Variants in C2CD2 observed in about 807,000 individuals in gnomAD.
C2CD2 encodes C2 calcium dependent domain containing 2, also known as C2 domain-containing protein 2.
In C2CD2, 43 loss-of-function variants were observed where a neutral mutation model predicts 74.3. The ratio of observed to expected loss-of-function variants is 0.58; its 90% confidence interval spans 0.45 to 0.75. The LOEUF (loss-of-function observed/expected upper bound fraction) is 0.75. Ranked by LOEUF, C2CD2 falls within the 30% of genes least tolerant of loss-of-function variation. C2CD2 has a pLI of 0.00. For synonymous variants in C2CD2, 422 were observed against 390.7 expected, an observed-to-expected ratio of 1.08 and a Z score of -0.94; for missense variants, 801 against 916.3, an observed-to-expected ratio of 0.87 and a Z score of 1.63.
Position 41,886,437 on chromosome 21 carries a change from C to T in C2CD2, c.*2687G>A, listed in dbSNP as rs921370770. The T allele has an allele frequency of 2.0e-5, 3 of 152,168 alleles. No homozygotes were observed. Among genetic ancestry groups the T allele is most frequent in the Non-Finnish European group, 4.4e-5 (3 of 68,028 alleles). 9.4% of individuals were successfully genotyped at this position (152,168 alleles called of 1,614,324 possible). On this transcript the variant is annotated 3_prime_UTR_variant, in exon 14 of 14. Transcript: ENST00000380486. Reference sequence around the variant, plus strand: ...CTTGGAAAACAAACATTCACAGTATCAATACAGCCCATTTCTCACGGTGCT... The same window carrying T: ...CTTGGAAAACAAACATTCACAGTATTAATACAGCCCATTTCTCACGGTGCT...
rs778604566 is a variant in C2CD2, at chr21:41,907,115, CA to C, written c.1194del (p.Val399PhefsTer6). On this transcript the variant is annotated frameshift_variant, in exon 10 of 14. Transcript: ENST00000380486. LOFTEE classifies it high-confidence loss of function. ...GELKSWPIPP[P>X]VPAAKIEKDR... ...TCCTTTTCTATTTTTGCAGCAGGAA[CA>C]GGGGGAGGGATGGGCCAGGATTTCA... 8 of 1,613,968 alleles carry C rather than the reference CA, an allele frequency of 5.0e-6. No homozygotes were observed. Among genetic ancestry groups the C allele is most frequent in the Non-Finnish European group, 6.8e-6 (8 of 1,179,942 alleles).
At chr21:41,897,116 C>T (rs1351902731) in intron 13 of C2CD2, among the ~76,000 whole-genome samples, 4 of 152,282 alleles carry the variant, frequency 2.6e-5, no homozygotes, top group Non-Finnish European at 4.4e-5. Flanking sequence ...CCACCTGGCC[C>T]GTGAAGGGAG....
rs570667615 is a variant in C2CD2 at position 41,935,594 on chromosome 21, C to T, written c.378+6553G>A. Reference sequence around the variant, plus strand: ...AAGTTCTGACACTGAGGGCCGGGCGCGGTAGATCATGTCTGTAATCCCAGC... The same window carrying T: ...AAGTTCTGACACTGAGGGCCGGGCGTGGTAGATCATGTCTGTAATCCCAGC... On this transcript the variant is annotated intron_variant, in intron 2 of 13. Coordinates refer to ENST00000380486, the MANE Select transcript of C2CD2 (RefSeq NM_015500.2). 4.6e-5 allele frequency among the ~76,000 whole-genome samples: 7 copies of T among 152,178 alleles called. No individual in the cohort carries two copies. In the East Asian group the frequency reaches 7.7e-4, roughly 17 times the overall value.
chr21:41,893,698 CTT>C (rs60305027), intron 13 of C2CD2, among the ~76,000 whole-genome samples: 7 of 122,108 alleles, frequency 5.7e-5, no homozygotes, highest in Non-Finnish European at 8.3e-5. Flanking sequence ...TGTTAAATTT[CTT>C]TTTTTTTTTT....
chr21:41,890,702 C>T lies in C2CD2; in HGVS notation c.1871-1358G>A, dbSNP rs1436479705. The stretch of plus-strand genomic sequence containing the variant: ...TTCAATAGCCACGACATATGCAAAT[C>T]GCCACCCATGTTGAGGAGGTTGAAG... On this transcript the variant is annotated intron_variant, in intron 13 of 13. Transcript: ENST00000380486. 2.6e-5 allele frequency among the ~76,000 whole-genome samples: 4 copies of T among 152,324 alleles called. No homozygotes were observed. In the East Asian group the frequency reaches 7.7e-4, roughly 29 times the overall value.
rs1412063134 is a variant in C2CD2, at chr21:41,945,198, T to A, written c.280-2953A>T. ...AAAGTGAAAAAACTAAAATGAACTC[T>A]GTACCGTTGGACTAGAACCCAAGGT... On this transcript the variant is annotated intron_variant, in intron 1 of 13. Transcript: ENST00000380486. This position sits in a 1 kb window ranked among gnomAD's most constrained non-coding sequence, Gnocchi z 4.2. Among the ~76,000 whole-genome samples, 3 of 152,356 alleles carry A rather than the reference T, an allele frequency of 2.0e-5. No individual in the cohort carries two copies. In the South Asian group the frequency reaches 6.2e-4, roughly 32 times the overall value.
In C2CD2 at chr21:41,889,364, G is replaced by C; in HGVS notation, c.1871-20C>G. 1.3e-6 allele frequency: 2 copies of C among 1,572,984 alleles called. No individual in the cohort carries two copies. The highest frequency in any genetic ancestry group is 1.7e-6 in the Non-Finnish European group (2 of 1,144,082). ...TTCCTCCTGGAAGAGGGAGGCACAAGGGCTGGTCAAGTGGGCAGGGAATGA... is the reference window on the plus strand; with the variant it reads ...TTCCTCCTGGAAGAGGGAGGCACAACGGCTGGTCAAGTGGGCAGGGAATGA... On this transcript the variant is annotated intron_variant, in intron 13 of 13. Coordinates refer to ENST00000380486, the MANE Select transcript of C2CD2 (RefSeq NM_015500.2).
chr21:41,922,835 G>A (rs1299259575), intron 2 of C2CD2, among the ~76,000 whole-genome samples: 1 of 152,134 alleles, frequency 6.6e-6, no homozygotes, highest in Non-Finnish European at 1.5e-5. Flanking sequence ...CAAATTTAGA[G>A]TTTCAAAGTT....
At chr21:41,905,602 G>T in intron 11 of C2CD2, 122 bp downstream of exon 11, 1 of 605,604 alleles carries the variant, frequency 1.7e-6, no homozygotes. Context: ...ACGGGTGTGA[G>T]CCACCACACC....
Position 41,926,398 on chromosome 21 carries a change from C to T in C2CD2, c.379-4313G>A, listed in dbSNP as rs998614104. 1 of 982,090 alleles carries T rather than the reference C, an allele frequency of 1.0e-6. No individual in the cohort carries two copies. The highest frequency in any genetic ancestry group is 6.2e-5 in the Admixed American group (1 of 16,238). The allele number at this position is 982,090 out of a possible 1,614,324, so 60.8% of individuals were successfully genotyped here. A position where few individuals can be genotyped will look rare whatever the true frequency, so the allele number is the denominator to read the frequency against. ...TCCACATGGAAAGGCCAAGGGGGGA[C>T]TCACGGTTGGCAGGTGAGGGTTTGG... On this transcript the variant is annotated intron_variant, in intron 2 of 13. Coordinates refer to ENST00000380486, the MANE Select transcript of C2CD2 (RefSeq NM_015500.2). The surrounding 1 kb of genome is among the most constrained non-coding windows in gnomAD (Gnocchi z 8.0).
chr21:41,914,239 G>A (rs1212022149), intron 6 of C2CD2, among the ~76,000 whole-genome samples: 1 of 145,660 alleles, frequency 6.9e-6, no homozygotes, highest in East Asian at 2.0e-4. Flanking sequence ...AAAAAAGAAA[G>A]CAGAAGCTGC....
Position 41,901,618 on chromosome 21 carries a change from G to A in C2CD2, c.1560+4C>T. On this transcript the variant is annotated splice_donor_region_variant and intron_variant, in intron 12 of 13. Coordinates refer to ENST00000380486, the MANE Select transcript of C2CD2 (RefSeq NM_015500.2). The stretch of plus-strand genomic sequence containing the variant: ...GAACACCTCCCCAGCCACCACGATG[G>A]TACCTTGGAGATCCCTGATATGATA... 2 of 1,614,116 alleles carry A rather than the reference G, an allele frequency of 1.2e-6. No individual in the cohort carries two copies. Among genetic ancestry groups the A allele is most frequent in the Non-Finnish European group, 1.7e-6 (2 of 1,179,980 alleles).
intron 5 of C2CD2, 106 bp downstream of exon 5, chr21:41,917,999 C>T: frequency 7.4e-7 from 1 of 1,357,540 alleles, no homozygotes; most frequent in Non-Finnish European, 1.0e-6. Context: ...CTTGGCTCTA[C>T]CATGGGAGGT....
chr21:41,940,273 G>A (rs2065343960), intron 2 of C2CD2, among the ~76,000 whole-genome samples: 1 of 152,186 alleles, frequency 6.6e-6, no homozygotes, highest in African/African-American at 2.4e-5. Flanking sequence ...AATTATAGTT[G>A]AAGCAAAATG....
intron 2 of C2CD2, among the ~76,000 whole-genome samples, chr21:41,927,574 G>A (rs1223976901): frequency 2.6e-5 from 4 of 151,938 alleles, no homozygotes; most frequent in East Asian, 3.9e-4. Context: ...GGATTCAAGC[G>A]ATTCTCCTGC....
chr21:41,919,021 C>A, intron 3 of C2CD2, 61 bp from the exon 4 acceptor site: 1 of 1,199,934 alleles, frequency 8.3e-7, no homozygotes. Flanking sequence ...TGTGCACGTG[C>A]GTGTGCATGT....
At position 41,899,068 on chromosome 21, in the gene C2CD2, C is replaced by A; in HGVS notation, c.1855G>T (p.Ala619Ser). 12 of 1,613,474 alleles carry A rather than the reference C, an allele frequency of 7.4e-6. No individual in the cohort carries two copies. The highest frequency in any genetic ancestry group is 1.0e-5 in the Non-Finnish European group (12 of 1,179,790). ...SSMSVLEPGTAKKHKGGILRK... is the reference protein window; with the variant it reads ...SSMSVLEPGTSKKHKGGILRK... ...GAGCAGGTACCTTTATGCTTTTTGGCAGTGCCCGGCTCCAAGACACTCATG... is the reference window on the plus strand; with the variant it reads ...GAGCAGGTACCTTTATGCTTTTTGGAAGTGCCCGGCTCCAAGACACTCATG... Residue 619 changes from alanine to serine, a missense_variant, in exon 13 of 14, where the codon GCC (alanine) becomes TCC (serine). Coordinates refer to ENST00000380486, the MANE Select transcript of C2CD2 (RefSeq NM_015500.2). This position sits in a 1 kb window ranked among gnomAD's most constrained non-coding sequence, Gnocchi z 4.4.
chr21:41,937,186 C>T (rs1276757803), intron 2 of C2CD2, among the ~76,000 whole-genome samples: 4 of 151,334 alleles, frequency 2.6e-5, no homozygotes, highest in Admixed American at 6.6e-5. Context: ...GGCTTGATCT[C>T]GGCTCACTGC....
rs981478091 is a variant in C2CD2 at position 41,899,585 on chromosome 21, G to A, written c.1561-223C>T. Among the ~76,000 whole-genome samples, 12 of 152,128 alleles carry A rather than the reference G, an allele frequency of 7.9e-5. No individual in the cohort carries two copies. Among genetic ancestry groups the A allele is most frequent in the African/African-American group, 2.9e-4 (12 of 41,428 alleles). On this transcript the variant is annotated intron_variant, in intron 12 of 13. Transcript: ENST00000380486. The surrounding 1 kb of genome is among the most constrained non-coding windows in gnomAD (Gnocchi z 4.4). ...CAGGGCTCAGGATCCCTAGGCAGCT[G>A]GGGGTTGGCCCCCGGGGCTCAGAGG...
Sources: allele counts gnomAD v4.1 joint callset (sites outside exome capture counted in the v4.1 genomes callset), GRCh38; gene constraint gnomAD v4.1.1; non-coding constraint Gnocchi (gnomAD v3.1); transcripts MANE v1.5; gene names NCBI Gene and HGNC (gene_info 2026-07-23, HGNC 2026-07-21).